CFAP221: variants seen among roughly 807,000 people sequenced by gnomAD.
The protein encoded by CFAP221 is cilia- and flagella-associated protein 221.
In CFAP221, 97 loss-of-function variants were observed where a neutral mutation model predicts 113.1. That is an observed-to-expected ratio of 0.86 (90% CI 0.73 to 1.02). The LOEUF (loss-of-function observed/expected upper bound fraction) is 1.02, where lower values mean the gene tolerates loss of function less well. Among genes scored for constraint, CFAP221 ranks in the 50% least tolerant of loss-of-function variants. The pLI is 0.00. For synonymous variants in CFAP221, 331 were observed against 354.4 expected (o/e 0.93, Z 0.74); for missense variants, 1,025 against 1,013.4 (o/e 1.01, Z -0.16).
Position 119,546,220 on chromosome 2 carries a change from T to C in CFAP221, c.89T>C (p.Val30Ala). The change falls in exon 2 of 24, where the codon GTG (valine) becomes GCG (alanine). Residue 30 changes from valine to alanine, a missense_variant. Physicochemically the swap from Val to Ala is moderately conservative, Grantham distance 64. Coordinates refer to ENST00000413369, the MANE Select transcript of CFAP221 (RefSeq NM_001271049.2). Reference protein sequence around the residue: ...NASPHLLKNLVEEPKKRKEVP... With the variant: ...NASPHLLKNLAEEPKKRKEVP... ...TCACCCCATCTCTTGAAGAACCTAG[T>C]GGAGGAGCCGAAAAAAAGAAAAGAA... The C allele has an allele frequency of 6.5e-7, 1 of 1,535,740 alleles. No homozygotes were observed. Among genetic ancestry groups the C allele is most frequent in the African/African-American group, 1.4e-5 (1 of 73,090 alleles).
intron 6 of CFAP221, among the ~76,000 whole-genome samples, chr2:119,583,390 A>G (rs1682975788): frequency 7.6e-6 from 1 of 131,150 alleles, no homozygotes. Context: ...AATAGGAAAT[A>G]GTCTCTTTTT....
intron 16 of CFAP221, among the ~76,000 whole-genome samples, chr2:119,628,292 G>T (rs1299234143): frequency 2.5e-4 from 3 of 12,070 alleles, no homozygotes; most frequent in African/African-American, 4.0e-4. Flanking sequence ...CTCTCTCTGG[G>T]GGGTGTGTGT....
At chr2:119,571,830 A>C (rs1268189568) in intron 6 of CFAP221, among the ~76,000 whole-genome samples, 1 of 152,240 alleles carries the variant, frequency 6.6e-6, no homozygotes, top group African/African-American at 2.4e-5. Flanking sequence ...GGAGACCATA[A>C]ATTCAGCAAA....
intron 12 of CFAP221, among the ~76,000 whole-genome samples, chr2:119,611,391 C>G (rs891716443): frequency 3.0e-5 from 4 of 133,576 alleles, no homozygotes; most frequent in Non-Finnish European, 6.1e-5. Context: ...CCACTGCACT[C>G]CAGCCTGGGT....
intron 19 of CFAP221, among the ~76,000 whole-genome samples, chr2:119,633,605 A>G (rs1686925232): frequency 6.6e-6 from 1 of 151,734 alleles, no homozygotes; most frequent in Non-Finnish European, 1.5e-5. Flanking sequence ...CAAAATATAT[A>G]AGAAACTTCT....
chr2:119,548,052 C>T (rs532116007), intron 2 of CFAP221, among the ~76,000 whole-genome samples: 1 of 152,110 alleles, frequency 6.6e-6, no homozygotes, highest in Non-Finnish European at 1.5e-5. Context: ...CAGTCTCAAT[C>T]TTCTGGGCTC....
chr2:119,639,833 C>G lies in CFAP221; in HGVS notation c.2186C>G (p.Ser729Cys). The change falls in exon 21 of 24, where the codon TCC becomes TGC. Residue 729 changes from serine (S) to cysteine (C), a missense_variant. Ser to Cys is a moderately radical substitution (Grantham distance 112). Transcript: ENST00000413369. ...HWKSFQSLVL[S>C]SLPDPSKMET... ...AAAAGCTTCCAGTCCCTGGTTCTCT[C>G]CTCCCTGCCGGACCCCTCCAAGATG... 2 of 1,614,180 alleles carry G rather than the reference C, an allele frequency of 1.2e-6. No homozygotes were observed. The highest frequency in any genetic ancestry group is 1.7e-6 in the Non-Finnish European group (2 of 1,180,020).
intron 19 of CFAP221, among the ~76,000 whole-genome samples, chr2:119,634,165 G>A (rs746855114): frequency 2.0e-5 from 3 of 152,122 alleles, no homozygotes; most frequent in Admixed American, 6.5e-5. Flanking sequence ...CCCACTTCTG[G>A]ATATGTTTCC....
At chr2:119,598,734 C>A (rs2104654159) in intron 7 of CFAP221, among the ~76,000 whole-genome samples, 1 of 152,350 alleles carries the variant, frequency 6.6e-6, no homozygotes, top group East Asian at 1.9e-4. Flanking sequence ...CTGCTGCTCC[C>A]TGTGTTAACT....
chr2:119,556,960 G>C (rs1295400902), intron 3 of CFAP221: 1 of 152,134 alleles, frequency 6.6e-6, no homozygotes, highest in Non-Finnish European at 1.5e-5. Flanking sequence ...GATTTGCTGT[G>C]ACATACTCAT....
intron 21 of CFAP221, 69 bp downstream of exon 21, chr2:119,639,941 A>T: frequency 7.5e-7 from 1 of 1,326,886 alleles, no homozygotes; most frequent in Non-Finnish European, 1.1e-6. Flanking sequence ...ATGATCCCCA[A>T]AAGTTAAATG....
chr2:119,577,365 T>C (rs770943349), intron 6 of CFAP221, among the ~76,000 whole-genome samples: 5 of 152,260 alleles, frequency 3.3e-5, no homozygotes, highest in Non-Finnish European at 5.9e-5. Flanking sequence ...TGGGATGTTA[T>C]AGTCCTTTTT....
At chr2:119,562,212 T>C (rs1251025363) in intron 6 of CFAP221, 98 bp downstream of exon 6, 3 of 642,026 alleles carry the variant, frequency 4.7e-6, no homozygotes, top group Non-Finnish European at 7.1e-6. Flanking sequence ...TGGAAGTTCA[T>C]CCTTCCACCT....
intron 14 of CFAP221, among the ~76,000 whole-genome samples, chr2:119,619,689 A>G (rs564100305): frequency 6.6e-6 from 1 of 152,324 alleles, no homozygotes; most frequent in African/African-American, 2.4e-5. Flanking sequence ...TCTCCTCCAA[A>G]GGATCACAAT....
At chr2:119,596,336 G>A (rs1683972531) in intron 7 of CFAP221, among the ~76,000 whole-genome samples, 1 of 152,214 alleles carries the variant, frequency 6.6e-6, no homozygotes, top group Non-Finnish European at 1.5e-5. Context: ...AGGCTCTGAA[G>A]CCCCTCCAGT....
downstream of CFAP221, among the ~76,000 whole-genome samples, chr2:119,659,009 GAAA>G (rs70949304): frequency 4.2e-5 from 6 of 143,836 alleles, no homozygotes; most frequent in African/African-American, 1.0e-4. Flanking sequence ...AAAAGAAAAA[GAAA>G]AAAAAAAAAA....
At chr2:119,554,636 A>T (rs1573984175) in intron 3 of CFAP221, among the ~76,000 whole-genome samples, 1 of 152,200 alleles carries the variant, frequency 6.6e-6, no homozygotes, top group Non-Finnish European at 1.5e-5. Context: ...CTTGCATCTC[A>T]AAATCAGGGC....
At chr2:119,614,702 A>G (rs1203056650) in intron 13 of CFAP221, among the ~76,000 whole-genome samples, 1 of 152,196 alleles carries the variant, frequency 6.6e-6, no homozygotes, top group East Asian at 1.9e-4. Flanking sequence ...GAGAACTACA[A>G]TTCAAGATGA....
At chr2:119,558,928 A>ATGTC (rs1462367067) in intron 3 of CFAP221, among the ~76,000 whole-genome samples, 1 of 152,236 alleles carries the variant, frequency 6.6e-6, no homozygotes, top group Non-Finnish European at 1.5e-5. Flanking sequence ...GCATTGAAGA[A>ATGTC]TGTCAGTCCT....
Sources: allele counts gnomAD v4.1 joint callset (sites outside exome capture counted in the v4.1 genomes callset), GRCh38; gene constraint gnomAD v4.1.1; transcripts MANE v1.5; gene names NCBI Gene and HGNC (gene_info 2026-07-23, HGNC 2026-07-21).